The following USP7 variants were observed in gnomAD, a reference collection of about 807,000 sequenced individuals.
The protein encoded by USP7 is ubiquitin specific peptidase 7, also known as ubiquitin C-terminal hydrolase 7.
In USP7, 9 loss-of-function variants were observed where a neutral mutation model predicts 162.9. That is an observed-to-expected ratio of 0.06 (90% CI 0.03 to 0.10). The LOEUF is 0.10. USP7 is among the 10% of genes least tolerant of loss of function. The pLI, the probability that USP7 is intolerant of heterozygous loss-of-function variation, is 1.00. For synonymous variants in USP7, 562 were observed against 475.9 expected, an observed-to-expected ratio of 1.18 and a Z score of -2.35; for missense variants, 715 against 1,373.7, an observed-to-expected ratio of 0.52 and a Z score of 7.58.
intron 1 of USP7, among the ~76,000 whole-genome samples, chr16:8,948,454 G>C (rs1428660044): frequency 6.6e-6 from 1 of 152,124 alleles, no homozygotes; most frequent in Non-Finnish European, 1.5e-5. Flanking sequence ...CAAAGTGCTG[G>C]GATTACAGGT....
chr16:8,903,231 A>T, intron 16 of USP7, 37 bp downstream of exon 16: 1 of 1,588,358 alleles, frequency 6.3e-7, no homozygotes, highest in Non-Finnish European at 8.6e-7. Context: ...GGACGTTGGG[A>T]GCCACGGTGG....
chr16:8,952,279 C>T (rs1004060450), intron 1 of USP7, among the ~76,000 whole-genome samples: 1 of 152,164 alleles, frequency 6.6e-6, no homozygotes, highest in Admixed American at 6.5e-5. Context: ...TCAGTAACCA[C>T]TACTTTATGA....
At chr16:8,916,477 T>C in intron 8 of USP7, 25 bp downstream of exon 8, 1 of 1,599,118 alleles carries the variant, frequency 6.3e-7, no homozygotes, top group Non-Finnish European at 8.5e-7. Context: ...TTGTAAGAAA[T>C]ATACAAGTAT....
chr16:8,923,661 C>T (rs553309946), intron 2 of USP7, among the ~76,000 whole-genome samples: 1 of 152,234 alleles, frequency 6.6e-6, no homozygotes, highest in African/African-American at 2.4e-5. Flanking sequence ...CCCTGTCAGA[C>T]TGAGTTCCAC....
chr16:8,914,234 A>C (rs1216311522), intron 10 of USP7, among the ~76,000 whole-genome samples: 1 of 152,084 alleles, frequency 6.6e-6, no homozygotes, highest in Non-Finnish European at 1.5e-5. Context: ...AAATGCAGAT[A>C]GCACTATACT....
At chr16:8,923,496 CTA>C in intron 2 of USP7, 83 bp from the exon 3 acceptor site, 1 of 1,414,066 alleles carries the variant, frequency 7.1e-7, no homozygotes, top group East Asian at 2.4e-5. Flanking sequence ...GTAAACTGTT[CTA>C]TACATCCTGA....
intron 6 of USP7, 31 bp from the exon 7 acceptor site, chr16:8,917,187 T>A: frequency 1.3e-6 from 2 of 1,572,220 alleles, no homozygotes; most frequent in South Asian, 1.2e-5. Context: ...GAATTTTTAC[T>A]CTGAGAAGAT....
At chr16:8,961,670 G>T (rs1052298465) in intron 1 of USP7, among the ~76,000 whole-genome samples, 3 of 152,216 alleles carry the variant, frequency 2.0e-5, no homozygotes, top group African/African-American at 7.2e-5. Context: ...CCATATGCTC[G>T]TGTTATTGGA....
intron 1 of USP7, among the ~76,000 whole-genome samples, chr16:8,950,772 G>A (rs1899511658): frequency 6.6e-6 from 1 of 152,218 alleles, no homozygotes; most frequent in Non-Finnish European, 1.5e-5. Context: ...GGGTCACCTG[G>A]CTTACATGCA....
intron 1 of USP7, among the ~76,000 whole-genome samples, chr16:8,942,025 A>T (rs1159273702): frequency 6.6e-6 from 1 of 152,226 alleles, no homozygotes; most frequent in East Asian, 1.9e-4. Flanking sequence ...ATTCTGTGGC[A>T]AGCACAGAGT....
intron 26 of USP7, 95 bp from the exon 27 acceptor site, chr16:8,895,836 T>A: frequency 7.7e-6 from 6 of 781,586 alleles, no homozygotes; most frequent in South Asian, 1.9e-5. Context: ...GTTACCACGA[T>A]ATGTTTTTTT....
In USP7 at chr16:8,902,368, TAAC is replaced by T. The variant is rs1350970696; in HGVS notation, c.1941+10_1941+12del. The T allele has an allele frequency of 1.2e-6, 2 of 1,613,042 alleles. No individual in the cohort carries two copies. The highest frequency in any genetic ancestry group is 1.7e-6 in the Non-Finnish European group (2 of 1,179,432). ...CACGGTTCCAAACCAGATACGCTAT[TAAC>T]AATATTTACTGTTTTATTGCCGTCG... On this transcript the variant is annotated intron_variant, in intron 17 of 30. Transcript: ENST00000344836.
In USP7 at chr16:8,919,782, G is replaced by A. The variant is rs187432152; in HGVS notation, c.611+577C>T. ...CATCTCCCTCTGTACACAATGCCAC[G>A]ACCTGAACACACGACCGTCACCAAG... On this transcript the variant is annotated intron_variant, in intron 5 of 30. Transcript: ENST00000344836. Among the ~76,000 whole-genome samples the A allele has an allele frequency of 5.3e-4, 78 of 147,030 alleles. 1 individual carries two copies. The highest frequency in any genetic ancestry group is 3.5e-3 in the Middle Eastern group (1 of 286).
At position 8,905,542 on chromosome 16, in the gene USP7, C is replaced by T. The variant is rs138265327; in HGVS notation, c.1429-211G>A. 6.0e-3 allele frequency among the ~76,000 whole-genome samples: 907 copies of T among 152,344 alleles called. 3 individuals are homozygous for T. The highest frequency in any genetic ancestry group is 0.014 in the Middle Eastern group (4 of 294). On this transcript the variant is annotated intron_variant, in intron 13 of 30. Coordinates refer to ENST00000344836, the MANE Select transcript of USP7 (RefSeq NM_003470.3). ...CGCTCATACAATTCACCAGGACCTT[C>T]GCAGTCCCCATTCAACATTCTGTGG...
intron 1 of USP7, among the ~76,000 whole-genome samples, chr16:8,941,781 C>T (rs1010114454): frequency 1.3e-5 from 2 of 152,178 alleles, no homozygotes; most frequent in Non-Finnish European, 2.9e-5. Flanking sequence ...GTGAGACCAC[C>T]GGCCAGCCAC....
At chr16:8,936,520 G>A in intron 1 of USP7, 1 of 1,442,174 alleles carries the variant, frequency 6.9e-7, no homozygotes, top group Non-Finnish European at 9.1e-7. Context: ...GCTGAGACAT[G>A]TCAGTATTGG....
At chr16:8,899,508 C>A in intron 22 of USP7, 96 bp downstream of exon 22, 3 of 1,512,202 alleles carry the variant, frequency 2.0e-6, no homozygotes, top group South Asian at 1.2e-5. Context: ...CCTTCTGAAC[C>A]AAAACCATGA....
chr16:8,951,392 T>C (rs1899541590), intron 1 of USP7, among the ~76,000 whole-genome samples: 1 of 151,834 alleles, frequency 6.6e-6, no homozygotes, highest in Non-Finnish European at 1.5e-5. Context: ...AACTAGGTGA[T>C]TTAGGCAACA....
chr16:8,915,892 T>C (rs983738212), intron 8 of USP7, among the ~76,000 whole-genome samples: 4 of 152,240 alleles, frequency 2.6e-5, no homozygotes, highest in African/African-American at 4.8e-5. Flanking sequence ...GTCAACAGGA[T>C]TGACTGGTTT....
Sources: gnomAD v4.1 joint callset for allele counts (sites outside exome capture counted in the v4.1 genomes callset) on GRCh38, gnomAD v4.1.1 for gene constraint, MANE v1.5 for transcripts, NCBI Gene and HGNC (gene_info 2026-07-23, HGNC 2026-07-21) for gene names.